Variants in ADCY3 observed in about 807,000 individuals in gnomAD.
The protein encoded by ADCY3 is adenylate cyclase type 3.
A neutral mutation model predicts 119.4 loss-of-function variants in ADCY3; 70 were observed. That is an observed-to-expected ratio of 0.59 (90% CI 0.48 to 0.72). The LOEUF (loss-of-function observed/expected upper bound fraction) is 0.72. Ranked by LOEUF, ADCY3 falls within the 30% of genes least tolerant of loss-of-function variation. The pLI is 0.00. For synonymous variants in ADCY3, 672 were observed against 621.4 expected (o/e 1.08, Z -1.21); for missense variants, 1,238 against 1,541.6 (o/e 0.80, Z 3.30).
At chr2:24,862,502 T>C (rs1053792904) in intron 3 of ADCY3, among the ~76,000 whole-genome samples, 1 of 150,602 alleles carries the variant, frequency 6.6e-6, no homozygotes, top group Non-Finnish European at 1.5e-5. Context: ...GCCGAGATCG[T>C]GCCACTGCAC....
intron 13 of ADCY3, among the ~76,000 whole-genome samples, chr2:24,829,412 A>AT (rs67246369): frequency 0.061 from 3,893 of 63,828 alleles, 491 homozygotes; most frequent in Non-Finnish European, 0.076. Flanking sequence ...GTGTGCTCCA[A>AT]TTTTTTTTTT....
intron 2 of ADCY3, among the ~76,000 whole-genome samples, chr2:24,895,691 A>T (rs1323392955): frequency 1.3e-5 from 2 of 151,280 alleles, no homozygotes; most frequent in African/African-American, 4.9e-5. Flanking sequence ...CAGTGATGGA[A>T]TCTTGGCTCA....
chr2:24,870,908 G>A (rs750144515), intron 3 of ADCY3, among the ~76,000 whole-genome samples: 14 of 152,156 alleles, frequency 9.2e-5, no homozygotes, highest in Non-Finnish European at 1.8e-4. Flanking sequence ...GTGAGGCTCT[G>A]TAGGGTGGAT....
intron 2 of ADCY3, among the ~76,000 whole-genome samples, chr2:24,879,034 G>T (rs1676053226): frequency 6.6e-6 from 1 of 152,222 alleles, no homozygotes; most frequent in African/African-American, 2.4e-5. Flanking sequence ...ACAACTGGCA[G>T]ATGGAGGGGC....
chr2:24,916,770 C>A (rs903385347), intron 2 of ADCY3, among the ~76,000 whole-genome samples: 22 of 152,168 alleles, frequency 1.4e-4, no homozygotes, highest in Admixed American at 1.3e-3. Context: ...AAACTCACAG[C>A]CCCCTCTACA....
intron 15 of ADCY3, chr2:24,826,449 G>A: frequency 4.0e-6 from 1 of 250,360 alleles, no homozygotes; most frequent in Non-Finnish European, 7.6e-6. Context: ...GGAATTTGGA[G>A]AAGCAAGAGA....
chr2:24,877,968 C>T, intron 2 of ADCY3: 1 of 471,210 alleles, frequency 2.1e-6, no homozygotes, highest in Non-Finnish European at 4.4e-6. Context: ...ACCAAAGTCA[C>T]CTCTTCTTGC....
At position 24,819,971 on chromosome 2, in the gene ADCY3, G is replaced by A. The variant is rs746982892; in HGVS notation, c.3396C>T (p.Pro1132=). The part of the protein sequence containing the change: ...RDKLATFPNG[P]SVTLPHQVVD... ...CCACCTGGTGGGGCAGTGTGACAGA[G>A]GGGCCATTGGGGAAGGTGGCTAGCT... Residue 1132 remains proline, a synonymous_variant, in exon 22 of 22, where the codon CCC becomes CCT. Coordinates refer to ENST00000679454, the MANE Select transcript of ADCY3 (RefSeq NM_004036.5). 4 of 1,613,828 alleles carry A rather than the reference G, an allele frequency of 2.5e-6. No homozygotes were observed. The highest frequency in any genetic ancestry group is 2.2e-5 in the East Asian group (1 of 44,838).
chr2:24,905,622 C>T lies in ADCY3; in HGVS notation c.675+12691G>A, dbSNP rs571081883. On this transcript the variant is annotated intron_variant, in intron 2 of 21. Transcript: ENST00000679454. ...AAGGGCAGGGCTTGAAGCCACCAGG[C>T]GCCCTTGAGACATCCTGGAAGAAGC... Among the ~76,000 whole-genome samples the T allele has an allele frequency of 6.4e-4, 98 of 152,294 alleles. No homozygotes were observed. The Middle Eastern group carries it at 0.024, about 37-fold the overall frequency.
At chr2:24,848,214 CTG>C (rs1171147332) in intron 3 of ADCY3, among the ~76,000 whole-genome samples, 1 of 152,252 alleles carries the variant, frequency 6.6e-6, no homozygotes, top group East Asian at 1.9e-4. Context: ...AACACCTGGC[CTG>C]CCCAGGGTGG....
chr2:24,830,766 C>T lies in ADCY3; in HGVS notation c.2115G>A (p.Arg705=), dbSNP rs778547877. ...AGATGGCGAGCATGGCCCAGGTGTT[C>T]CTGGCCCAGCGGGTCCGGTCAATCC... The part of the protein sequence containing the change: ...STWIDRTRWA[R]NTWAMLAIFI... The change falls in exon 13 of 22, where the codon AGG becomes AGA. Residue 705 remains arginine, a synonymous_variant. Coordinates refer to ENST00000679454, the MANE Select transcript of ADCY3 (RefSeq NM_004036.5). 1.9e-6 allele frequency: 3 copies of T among 1,614,104 alleles called. No homozygotes were observed. The highest frequency in any genetic ancestry group is 2.5e-6 in the Non-Finnish European group (3 of 1,180,016).
intron 2 of ADCY3, among the ~76,000 whole-genome samples, chr2:24,892,905 C>A (rs577006718): frequency 1.4e-4 from 22 of 152,234 alleles, no homozygotes; most frequent in Middle Eastern, 3.4e-3. Flanking sequence ...CTCAAGTGAT[C>A]CGCCCACCTT....
chr2:24,840,452 G>A, intron 6 of ADCY3: 1 of 402,284 alleles, frequency 2.5e-6, no homozygotes, highest in Non-Finnish European at 5.2e-6. Context: ...GAATGTTAGA[G>A]TTCCTGGACT....
At chr2:24,904,328 G>A (rs1679234426) in intron 2 of ADCY3, among the ~76,000 whole-genome samples, 1 of 152,124 alleles carries the variant, frequency 6.6e-6, no homozygotes, top group Admixed American at 6.5e-5. Flanking sequence ...TCAGGAGTTT[G>A]AGGCCAGCCT....
At chr2:24,860,155 T>C (rs1673463766) in intron 3 of ADCY3, among the ~76,000 whole-genome samples, 1 of 152,162 alleles carries the variant, frequency 6.6e-6, no homozygotes, top group Non-Finnish European at 1.5e-5. Context: ...AGAGGCTCAG[T>C]TTTGTAGCTC....
At position 24,912,069 on chromosome 2, in the gene ADCY3, C is replaced by T. The variant is rs145983211; in HGVS notation, c.675+6244G>A. Among the ~76,000 whole-genome samples, 24 of 152,346 alleles carry T rather than the reference C, an allele frequency of 1.6e-4. No individual in the cohort carries two copies. In the East Asian group the frequency reaches 4.4e-3, roughly 28 times the overall value. On this transcript the variant is annotated intron_variant, in intron 2 of 21. Coordinates refer to ENST00000679454, the MANE Select transcript of ADCY3 (RefSeq NM_004036.5). ...AGAGCTCAGTAAACACAGCCACCTC[C>T]TCACTGTCCCTGCTCATGGGCCTCG...
In ADCY3 at chr2:24,822,535, G is replaced by A. The variant is rs748857384; in HGVS notation, c.2979C>T (p.Thr993=). 1.2e-6 allele frequency: 2 copies of A among 1,613,888 alleles called. No homozygotes were observed. The highest frequency in any genetic ancestry group is 1.7e-6 in the Non-Finnish European group (2 of 1,179,958). The change falls in exon 19 of 22, where the codon ACC becomes ACT. Residue 993 remains threonine (T), a synonymous_variant. Coordinates refer to ENST00000679454, the MANE Select transcript of ADCY3 (RefSeq NM_004036.5). ...CCTTGTTGGAGCTGGCAAAGCCATT[G>A]GTGTTGACATCGGGGGTGACTCCTG... The part of the protein sequence containing the change: ...AASGVTPDVN[T]NGFASSNKED...
chr2:24,864,841 T>C (rs1254990691), intron 3 of ADCY3, among the ~76,000 whole-genome samples: 3 of 152,204 alleles, frequency 2.0e-5, no homozygotes, highest in Non-Finnish European at 2.9e-5. Context: ...TACTTAATGA[T>C]TAAAATGGTA....
At chr2:24,838,388 AC>A in intron 8 of ADCY3, 56 bp downstream of exon 8, 1 of 1,317,692 alleles carries the variant, frequency 7.6e-7, no homozygotes, top group Non-Finnish European at 9.9e-7. Flanking sequence ...CTCCTTTCCA[AC>A]CCCCTAATCC....
Sources: allele counts gnomAD v4.1 joint callset (sites outside exome capture counted in the v4.1 genomes callset), GRCh38; gene constraint gnomAD v4.1.1; transcripts MANE v1.5; gene names NCBI Gene and HGNC (gene_info 2026-07-23, HGNC 2026-07-21).